Variants in GAB4 observed in about 807,000 individuals in gnomAD.
GAB4 encodes the protein GRB2-associated-binding protein 4.
In GAB4, 26 loss-of-function variants were observed where a neutral mutation model predicts 51.3. The observed-to-expected ratio is 0.51, with a 90% CI of 0.37 to 0.70. The LOEUF is 0.70. Among genes scored for constraint, GAB4 ranks in the 30% least tolerant of loss-of-function variants. The pLI, the probability that GAB4 is intolerant of heterozygous loss-of-function variation, is 0.00. For missense variants in GAB4, 759 were observed against 734.6 expected, an observed-to-expected ratio of 1.03 and a Z score of -0.38; for synonymous variants, 329 against 291.2, an observed-to-expected ratio of 1.13 and a Z score of -1.32.
chr22:16,994,031 CCAT>C (rs2060932999), intron 1 of GAB4, among the ~76,000 whole-genome samples: 1 of 152,054 alleles, frequency 6.6e-6, no homozygotes, highest in African/African-American at 2.4e-5. Flanking sequence ...AGGATCATTC[CCAT>C]CAAGACACAA....
At chr22:16,997,699 T>C (rs116476558) in intron 1 of GAB4, among the ~76,000 whole-genome samples, 3,372 of 152,174 alleles carry the variant, frequency 0.022, 59 homozygotes, top group Middle Eastern at 0.068. Context: ...GTGTTTTAAT[T>C]ATGAAGTCCT....
Position 16,970,190 on chromosome 22 carries a change from A to G in GAB4, c.690T>C (p.Ser230=), listed in dbSNP as rs2060718958. 1 of 1,613,872 alleles carries G rather than the reference A, an allele frequency of 6.2e-7. No homozygotes were observed. The highest frequency in any genetic ancestry group is 1.3e-5 in the African/African-American group (1 of 74,856). ...HASQRAEHAR[S]ASFSQGSEAP... ...CCTCAGAACCCTGGGAGAAGCTGGC[A>G]CTCCTAAGAGAGAGAAAGAAGGGAA... Residue 230 remains serine (S), a synonymous_variant, in exon 4 of 10, where the codon AGT becomes AGC. Transcript: ENST00000400588.
At chr22:17,004,186 C>T (rs1399186721) in intron 1 of GAB4, among the ~76,000 whole-genome samples, 4 of 151,954 alleles carry the variant, frequency 2.6e-5, no homozygotes, top group Non-Finnish European at 5.9e-5. Flanking sequence ...AATTAATAGC[C>T]TATCAACAAC....
chr22:16,962,546 G>T lies in GAB4; in HGVS notation c.*187C>A. 1 of 447,516 alleles carries T rather than the reference G, an allele frequency of 2.2e-6. No homozygotes were observed. The highest frequency in any genetic ancestry group is 3.4e-5 in the East Asian group (1 of 29,218). The allele number at this position is 447,516 out of a possible 1,614,324, so 27.7% of individuals were successfully genotyped here. A position where few individuals can be genotyped will look rare whatever the true frequency, so the allele number is the denominator to read the frequency against. ...GCTTGCTGGCAACTGCTCCTAGCAA[G>T]GGGGTGAAGGTGGGGACCATGGCCA... On this transcript the variant is annotated 3_prime_UTR_variant, in exon 10 of 10. Transcript: ENST00000400588.
At chr22:16,985,417 T>C (rs2123693010) in intron 3 of GAB4, among the ~76,000 whole-genome samples, 1 of 152,328 alleles carries the variant, frequency 6.6e-6, no homozygotes, top group South Asian at 2.1e-4. Flanking sequence ...GCCACGGAAA[T>C]TGAATCTCAG....
Position 17,007,924 on chromosome 22 carries a change from C to G in GAB4, c.174+17G>C, listed in dbSNP as rs764040897. On this transcript the variant is annotated intron_variant, in intron 1 of 9. Transcript: ENST00000400588. ...CCTCCGTGGCGCTCCTGGTACCGCC[C>G]CCACTGCCCCACTCACAAAGAGCCT... 2.7e-6 allele frequency: 4 copies of G among 1,464,072 alleles called. No homozygotes were observed. In the Admixed American group the frequency reaches 6.6e-5, roughly 24 times the overall value. 90.7% of individuals were successfully genotyped at this position (1,464,072 alleles called of 1,614,324 possible). A position where few individuals can be genotyped will look rare whatever the true frequency, so the allele number is the denominator to read the frequency against.
rs2123717843 is a variant in GAB4, at chr22:16,998,146, A to G, written c.175-5970T>C. Among the ~76,000 whole-genome samples the G allele has an allele frequency of 1.3e-5, 2 of 152,286 alleles. 1 individual carries two copies. Among genetic ancestry groups the G allele is most frequent in the Middle Eastern group, 6.8e-3 (2 of 294 alleles). ...CAATGCAGCTCTTTTTTGGTTCCAT[A>G]TGAACTTTAAAGTAGTTTTTTCCAA... On this transcript the variant is annotated intron_variant, in intron 1 of 9. Transcript: ENST00000400588.
chr22:16,967,373 T>G (rs938926045), intron 5 of GAB4: 1 of 152,706 alleles, frequency 6.5e-6, no homozygotes, highest in Non-Finnish European at 1.5e-5. Flanking sequence ...CCATGCACCA[T>G]GCAGATGTGG....
chr22:16,963,568 G>A (rs138325211), intron 9 of GAB4, among the ~76,000 whole-genome samples, 157 bp downstream of exon 9: 2 of 152,242 alleles, frequency 1.3e-5, no homozygotes, highest in African/African-American at 4.8e-5. Flanking sequence ...CAGGAGCCCC[G>A]AGATCCAGAT....
chr22:16,988,109 G>A lies in GAB4; in HGVS notation c.537C>T (p.Pro179=). 6.2e-7 allele frequency: 1 copy of A among 1,611,916 alleles called. No individual in the cohort carries two copies. The highest frequency in any genetic ancestry group is 8.5e-7 in the Non-Finnish European group (1 of 1,178,960). ...SHGLCSSPAE[P]SCSHQHLPQE... ...GGGGGAGGTGCTGATGGGAGCAGCT[G>A]GGCTCAGCTGGAGAAGAGCAGAGGC... is the stretch of plus-strand genomic sequence containing the variant. The change falls in exon 3 of 10, where the codon CCC becomes CCT. Residue 179 remains proline (P), a synonymous_variant. Transcript: ENST00000400588.
intron 8 of GAB4, 30 bp downstream of exon 8, chr22:16,964,736 G>A: frequency 6.7e-7 from 1 of 1,500,734 alleles, no homozygotes; most frequent in Non-Finnish European, 9.3e-7. Flanking sequence ...GACTCTGATA[G>A]GAGCCTTACA....
rs201454208 is a variant in GAB4, at chr22:16,992,899, AT to A, written c.175-724del. On this transcript the variant is annotated intron_variant, in intron 1 of 9. Transcript: ENST00000400588. The stretch of plus-strand genomic sequence containing the variant: ...CCATACCTAGCTAATTCTTTAATAT[AT>A]TTTTTTGCAGAGATGGGGTCTCACT... Among the ~76,000 whole-genome samples, 10 of 151,956 alleles carry A rather than the reference AT, an allele frequency of 6.6e-5. No individual in the cohort carries two copies. In the East Asian group the frequency reaches 1.7e-3, roughly 27 times the overall value.
intron 1 of GAB4, among the ~76,000 whole-genome samples, chr22:16,996,546 G>C (rs1163364885): frequency 6.6e-6 from 1 of 152,106 alleles, no homozygotes; most frequent in Non-Finnish European, 1.5e-5. Flanking sequence ...AAAATGGTAA[G>C]GGCAGCCAGA....
rs144083851 is a variant in GAB4, at chr22:16,970,088, G to A, written c.792C>T (p.Ser264=). 550 of 1,614,140 alleles carry A rather than the reference G, an allele frequency of 3.4e-4. No individual in the cohort carries two copies. In the African/African-American group the frequency reaches 4.9e-3, roughly 14 times the overall value. Reference sequence around the variant, plus strand: ...GGCTATGGAAGCCATGGATGTGACCGCTGACCCCATCAACACTGTATCCAC... The same window carrying A: ...GGCTATGGAAGCCATGGATGTGACCACTGACCCCATCAACACTGTATCCAC... ...QHSGYSVDGV[S]GHIHGFHSLS... Residue 264 remains serine, a synonymous_variant, in exon 4 of 10, where the codon AGC becomes AGT. Coordinates refer to ENST00000400588, the MANE Select transcript of GAB4 (RefSeq NM_001037814.1).
Position 16,966,263 on chromosome 22 carries a change from T to C in GAB4, c.1125A>G (p.Ala375=), listed in dbSNP as rs1303811401. 3.1e-6 allele frequency: 5 copies of C among 1,613,844 alleles called. No homozygotes were observed. The Admixed American group carries it at 6.7e-5, about 22-fold the overall frequency. ...TGCAGACACCCTGGGAATCATCGCC[T>C]GCTTGCTTCACAGCCGGCAGGGTAG... ...GSPTLPAVKQ[A]GDDSQGVCIP... The change falls in exon 6 of 10, where the codon GCA becomes GCG. Residue 375 remains alanine (A), a synonymous_variant. Transcript: ENST00000400588.
chr22:16,966,342 A>G lies in GAB4; in HGVS notation c.1046T>C (p.Leu349Pro). 6.2e-7 allele frequency: 1 copy of G among 1,612,462 alleles called. No homozygotes were observed. The highest frequency in any genetic ancestry group is 8.5e-7 in the Non-Finnish European group (1 of 1,179,102). Residue 349 changes from leucine to proline, a missense_variant, in exon 6 of 10, where the codon CTG becomes CCG. By Grantham distance (98) the Leu-to-Pro change is moderately conservative. Transcript: ENST00000400588. ...GCCCTCAGAAGCAATGCTGTCTGACAGGCCCACAAGCGTTCTTCCTGGCTA... is the reference window on the plus strand; with the variant it reads ...GCCCTCAGAAGCAATGCTGTCTGACGGGCCCACAAGCGTTCTTCCTGGCTA... ...SFLPGRTLVGLSDSIASEGSC... is the reference protein window; with the variant it reads ...SFLPGRTLVGPSDSIASEGSC...
At chr22:16,964,314 T>C (rs539410616) in intron 8 of GAB4, among the ~76,000 whole-genome samples, 1 of 152,340 alleles carries the variant, frequency 6.6e-6, no homozygotes, top group African/African-American at 2.4e-5. Context: ...TGGCTCATTC[T>C]TCCAATATCT....
At chr22:16,979,272 T>C (rs542188575) in intron 3 of GAB4, among the ~76,000 whole-genome samples, 141 of 152,314 alleles carry the variant, frequency 9.3e-4, no homozygotes, top group Non-Finnish European at 1.7e-3. Flanking sequence ...ATTGTATACT[T>C]AGAAAACCCC....
intron 7 of GAB4, 44 bp from the exon 8 acceptor site, chr22:16,964,906 A>C (rs2123636640): frequency 2.6e-5 from 39 of 1,481,504 alleles, no homozygotes; most frequent in Non-Finnish European, 3.4e-5. Flanking sequence ...GGTGGGGCTC[A>C]GGGCTGCTGT....
Sources: gnomAD v4.1 joint callset for allele counts (sites outside exome capture counted in the v4.1 genomes callset) on GRCh38, gnomAD v4.1.1 for gene constraint, MANE v1.5 for transcripts, NCBI Gene and HGNC (gene_info 2026-07-23, HGNC 2026-07-21) for gene names.